The following ARID1B variants were observed in gnomAD, a reference collection of about 807,000 sequenced individuals.
The protein encoded by ARID1B is AT-rich interaction domain 1B.
Under a neutral mutation model 212.3 loss-of-function variants are expected in ARID1B, and 30 were observed. The ratio of observed to expected loss-of-function variants is 0.14; its 90% CI spans 0.11 to 0.19. The LOEUF (loss-of-function observed/expected upper bound fraction) is 0.19, where lower values mean the gene tolerates loss of function less well. Ranked by LOEUF, ARID1B falls within the 10% of genes least tolerant of loss-of-function variation. The pLI, the probability that ARID1B is intolerant of heterozygous loss-of-function variation, is 1.00. For missense variants in ARID1B, 2,891 were observed against 3,204.0 expected, an observed-to-expected ratio of 0.90 and a Z score of 2.36; for synonymous variants, 1,402 against 1,301.7, an observed-to-expected ratio of 1.08 and a Z score of -1.66.
chr6:157,165,646 C>T (rs183992530), intron 8 of ARID1B, among the ~76,000 whole-genome samples: 4 of 152,102 alleles, frequency 2.6e-5, no homozygotes, highest in East Asian at 3.9e-4. Context: ...CTTAGGAGTT[C>T]GAGACTGGCC....
intron 2 of ARID1B, among the ~76,000 whole-genome samples, chr6:156,891,147 C>T (rs959190532): frequency 1.1e-4 from 17 of 152,288 alleles, no homozygotes; most frequent in Non-Finnish European, 1.3e-4. Context: ...TTCAACCACG[C>T]ATCAGCTTAG....
chr6:157,174,467 G>T (rs1791949213), intron 10 of ARID1B: 1 of 199,410 alleles, frequency 5.0e-6, no homozygotes, highest in Non-Finnish European at 1.0e-5. Context: ...TGTTTTGGCC[G>T]CCTCAGCAAC....
intron 2 of ARID1B, among the ~76,000 whole-genome samples, chr6:156,888,262 AG>A (rs1318641516): frequency 2.0e-5 from 3 of 152,338 alleles, no homozygotes; most frequent in South Asian, 2.1e-4. Flanking sequence ...ATAAGCAAGA[AG>A]CTCCTCTGTA....
At chr6:157,104,834 T>TATTA (rs2128503425) in intron 5 of ARID1B, among the ~76,000 whole-genome samples, 1 of 152,256 alleles carries the variant, frequency 6.6e-6, no homozygotes, top group East Asian at 1.9e-4. Flanking sequence ...GCTGTGAAAA[T>TATTA]ATTAGTGAGC....
intron 4 of ARID1B, among the ~76,000 whole-genome samples, chr6:157,006,439 T>C (rs1366928232): frequency 6.6e-6 from 1 of 152,208 alleles, no homozygotes; most frequent in Non-Finnish European, 1.5e-5. Flanking sequence ...AATTATATTG[T>C]TTTATAAAAT....
rs1778805479 is a variant in ARID1B at position 156,778,247 on chromosome 6, A to ACAGCAGCAGCTAAACCAGTTCCAG, written c.578_601dup (p.Leu193_Gln200dup). ...ACCACCTCCACCACCACCACGCACT[A>ACAGCAGCAGCTAAACCAGTTCCAG]CAGCAGCAGCTAAACCAGTTCCAGC... On this transcript the variant is annotated inframe_insertion, in exon 1 of 20. Coordinates refer to ENST00000636930, the MANE Select transcript of ARID1B (RefSeq NM_001374828.1). 1.3e-6 allele frequency: 2 copies of ACAGCAGCAGCTAAACCAGTTCCAG among 1,541,050 alleles called. No individual in the cohort carries two copies. Among genetic ancestry groups the ACAGCAGCAGCTAAACCAGTTCCAG allele is most frequent in the African/African-American group, 1.4e-5 (1 of 72,712 alleles).
intron 6 of ARID1B, among the ~76,000 whole-genome samples, chr6:157,129,222 G>A (rs1447493424): frequency 6.6e-6 from 1 of 152,202 alleles, no homozygotes; most frequent in Non-Finnish European, 1.5e-5. Flanking sequence ...CTGTGGCTCA[G>A]AAAGGTTATG....
chr6:156,863,985 C>T (rs191537506), intron 2 of ARID1B, among the ~76,000 whole-genome samples: 2 of 152,296 alleles, frequency 1.3e-5, no homozygotes, highest in East Asian at 3.9e-4. Context: ...ATACCATCAT[C>T]TCAAAATTGT....
At chr6:156,875,230 G>A (rs1023593616) in intron 2 of ARID1B, among the ~76,000 whole-genome samples, 2 of 152,220 alleles carry the variant, frequency 1.3e-5, no homozygotes, top group Admixed American at 1.3e-4. Flanking sequence ...GGAACTCAGT[G>A]TATGGAAGGA....
intron 4 of ARID1B, among the ~76,000 whole-genome samples, chr6:156,977,999 G>A (rs1777367636): frequency 6.6e-6 from 1 of 152,146 alleles, no homozygotes; most frequent in Non-Finnish European, 1.5e-5. Context: ...TCTTCTGTGT[G>A]AGCCCTGAGG....
chr6:156,970,241 C>G (rs531286530), intron 4 of ARID1B, among the ~76,000 whole-genome samples: 1 of 151,928 alleles, frequency 6.6e-6, no homozygotes, highest in Non-Finnish European at 1.5e-5. Context: ...CCACCATACC[C>G]GGCTAATTTT....
At chr6:156,791,577 G>C (rs138846090) in intron 1 of ARID1B, among the ~76,000 whole-genome samples, 8 of 152,178 alleles carry the variant, frequency 5.3e-5, no homozygotes, top group Non-Finnish European at 1.2e-4. Context: ...GGAAGAAAAG[G>C]GTTTTTCTTT....
chr6:157,196,449 G>A, intron 16 of ARID1B, 134 bp downstream of exon 16: 2 of 1,161,562 alleles, frequency 1.7e-6, no homozygotes, highest in Non-Finnish European at 2.4e-6. Flanking sequence ...AAGTAAAGAG[G>A]CAATGGCTGC....
Position 157,201,167 on chromosome 6 carries a change from T to C in ARID1B, c.4942T>C (p.Ser1648Pro), listed in dbSNP as rs1794085622. Residue 1648 changes from serine (S) to proline (P), a missense_variant, in exon 18 of 20, where the codon TCC (serine) becomes CCC (proline). Ser to Pro is a moderately conservative substitution (Grantham distance 74). This residue lies in a region of ARID1B where 666 missense variants were observed against 873.5 expected (regional missense o/e 0.76). Transcript: ENST00000636930. This position sits in a 1 kb window ranked among gnomAD's most constrained non-coding sequence, Gnocchi z 5.2. ...CAGCCAGCGTCAGCCTTATATGTCG[T>C]CCTCAGCCTCCATGCAGCCCATCAC... ...HVSQRQPYMS[S>P]SASMQPITRP... 2.5e-6 allele frequency: 4 copies of C among 1,613,998 alleles called. No individual in the cohort carries two copies. The highest frequency in any genetic ancestry group is 3.4e-6 in the Non-Finnish European group (4 of 1,179,964).
chr6:157,147,915 GC>G (rs1789913839), intron 7 of ARID1B, among the ~76,000 whole-genome samples: 1 of 23,040 alleles, frequency 4.3e-5, no homozygotes, highest in African/African-American at 1.8e-4. Context: ...GACCCTGCCC[GC>G]CCGCCCTCAC....
intron 2 of ARID1B, among the ~76,000 whole-genome samples, chr6:156,864,971 C>T (rs1307882312): frequency 6.6e-6 from 1 of 152,144 alleles, no homozygotes; most frequent in Non-Finnish European, 1.5e-5. Flanking sequence ...ACCATGCACT[C>T]CCCTTTAGAA....
chr6:156,876,463 C>T (rs1490464787), intron 2 of ARID1B, among the ~76,000 whole-genome samples: 1 of 152,212 alleles, frequency 6.6e-6, no homozygotes, highest in Non-Finnish European at 1.5e-5. Flanking sequence ...ACTGCTGATG[C>T]CGGCTGGGCA....
intron 11 of ARID1B, among the ~76,000 whole-genome samples, chr6:157,176,637 G>A (rs1792121971): frequency 6.6e-6 from 1 of 152,198 alleles, no homozygotes; most frequent in Non-Finnish European, 1.5e-5. Flanking sequence ...CCTGAGCTCA[G>A]GAGTTCAAGA....
chr6:157,103,493 A>G (rs1165618717), intron 5 of ARID1B, among the ~76,000 whole-genome samples: 1 of 152,230 alleles, frequency 6.6e-6, no homozygotes, highest in African/African-American at 2.4e-5. Flanking sequence ...TCTATGAAGT[A>G]TGCTGAGCTA....
Sources: gnomAD v4.1 joint callset for allele counts (sites outside exome capture counted in the v4.1 genomes callset) on GRCh38, gnomAD v4.1.1 for gene constraint, gnomAD v4.1.1 regional missense constraint, Gnocchi (gnomAD v3.1) non-coding constraint, MANE v1.5 for transcripts, NCBI Gene and HGNC (gene_info 2026-07-23, HGNC 2026-07-21) for gene names.